The following DNAAF11 variants were observed in gnomAD, a reference collection of about 807,000 sequenced individuals.
DNAAF11 encodes the protein leucine rich repeat containing 6.
DNAAF11 carries 45 observed loss-of-function variants against 60.8 expected under a neutral mutation model. That is an observed-to-expected ratio of 0.74 (90% confidence interval 0.58 to 0.95). The LOEUF (loss-of-function observed/expected upper bound fraction) is 0.95, where lower values mean the gene tolerates loss of function less well. Among genes scored for constraint, DNAAF11 ranks in the 40% least tolerant of loss-of-function variants. The probability of loss-of-function intolerance (pLI) is 0.00; values close to 1 mark genes in which losing one functional copy is unlikely to be tolerated. For missense variants in DNAAF11, 546 were observed against 546.2 expected, an observed-to-expected ratio of 1.00 and a Z score of 0.00; for synonymous variants, 191 against 183.5, an observed-to-expected ratio of 1.04 and a Z score of -0.33.
intron 7 of DNAAF11, among the ~76,000 whole-genome samples, chr8:132,620,514 C>T (rs1026050453): frequency 3.3e-5 from 5 of 151,946 alleles, no homozygotes; most frequent in African/African-American, 1.2e-4. Flanking sequence ...TTTGTATTTT[C>T]AGTAGAGATG....
At chr8:132,575,525 C>T (rs1057064432) in intron 11 of DNAAF11, among the ~76,000 whole-genome samples, 4 of 152,044 alleles carry the variant, frequency 2.6e-5, no homozygotes, top group Non-Finnish European at 5.9e-5. Flanking sequence ...GGAGGACACA[C>T]GTATACTGGG....
At chr8:132,578,603 C>A in intron 11 of DNAAF11, 1 of 718,278 alleles carries the variant, frequency 1.4e-6, no homozygotes, top group Non-Finnish European at 2.3e-6. Flanking sequence ...GTGCAAAACA[C>A]ATCAGAGATT....
At chr8:132,659,605 A>G (rs1563701413) in intron 2 of DNAAF11, among the ~76,000 whole-genome samples, 1 of 152,220 alleles carries the variant, frequency 6.6e-6, no homozygotes, top group Non-Finnish European at 1.5e-5. Flanking sequence ...TAATTGAACA[A>G]TGTGCCAGAG....
chr8:132,622,322 T>G (rs1819842785), intron 7 of DNAAF11, among the ~76,000 whole-genome samples: 1 of 152,186 alleles, frequency 6.6e-6, no homozygotes, highest in African/African-American at 2.4e-5. Context: ...GATGGCAATT[T>G]TCAGGCATAA....
At chr8:132,685,836 G>C in the DNAAF11 span, among the ~76,000 whole-genome samples, 1 of 152,162 alleles carries the variant, frequency 6.6e-6, no homozygotes, top group Non-Finnish European at 1.5e-5. Context: ...TGTGTTTCAA[G>C]AACATGGTGT....
upstream of DNAAF11, among the ~76,000 whole-genome samples, chr8:132,678,675 G>T (rs368725342): frequency 1.3e-5 from 2 of 151,924 alleles, no homozygotes; most frequent in Non-Finnish European, 2.9e-5. Flanking sequence ...GTGAGCTACC[G>T]TGACTGGTGC....
At chr8:132,601,218 A>G (rs571000485) in intron 10 of DNAAF11, among the ~76,000 whole-genome samples, 226 of 152,348 alleles carry the variant, frequency 1.5e-3, no homozygotes, top group African/African-American at 5.2e-3. Context: ...CAAAACCACA[A>G]TGAGATCCCA....
At chr8:132,693,933 T>C in the DNAAF11 span, among the ~76,000 whole-genome samples, 1 of 152,178 alleles carries the variant, frequency 6.6e-6, no homozygotes, top group South Asian at 2.1e-4. Flanking sequence ...ACTTTGGCTT[T>C]TCCTTGAGGG....
chr8:132,674,319 G>T (rs1825556915), intron 1 of DNAAF11, among the ~76,000 whole-genome samples: 1 of 152,084 alleles, frequency 6.6e-6, no homozygotes, highest in Non-Finnish European at 1.5e-5. Flanking sequence ...ATTTAGGAAA[G>T]GAGTTTCAAC....
chr8:132,576,444 A>C (rs907162006), intron 11 of DNAAF11, among the ~76,000 whole-genome samples: 8 of 152,214 alleles, frequency 5.3e-5, no homozygotes, highest in Non-Finnish European at 1.0e-4. Flanking sequence ...ATGTTATATA[A>C]TCATTATTGT....
chr8:132,669,203 C>A (rs528819701), intron 1 of DNAAF11, among the ~76,000 whole-genome samples: 1 of 152,304 alleles, frequency 6.6e-6, no homozygotes, highest in Admixed American at 6.5e-5. Context: ...TAATTCCCAC[C>A]TAGATATCGG....
At chr8:132,687,702 C>G in the DNAAF11 span, 15 of 456,130 alleles carry the variant, frequency 3.3e-5, no homozygotes, top group East Asian at 9.7e-4. Context: ...AAGTGACTTG[C>G]CCAAGGTAAG....
chr8:132,579,133 G>A (rs1815060647), intron 11 of DNAAF11, among the ~76,000 whole-genome samples: 1 of 152,166 alleles, frequency 6.6e-6, no homozygotes, highest in Admixed American at 6.5e-5. Context: ...TTCCAAATTG[G>A]CAGTGTTTTT....
At position 132,639,557 on chromosome 8, in the gene DNAAF11, A is replaced by G. The variant is rs1340965388; in HGVS notation, c.257-1450T>C. Reference sequence around the variant, plus strand: ...TGGTTCATAGCTATGCAACTGTATCACCTTTGGTGAGGTTTCCTCAATTCT... The same window carrying G: ...TGGTTCATAGCTATGCAACTGTATCGCCTTTGGTGAGGTTTCCTCAATTCT... On this transcript the variant is annotated intron_variant, in intron 3 of 11. Transcript: ENST00000620350. 2.0e-5 allele frequency among the ~76,000 whole-genome samples: 3 copies of G among 152,282 alleles called. No individual in the cohort carries two copies. In the East Asian group the frequency reaches 5.8e-4, roughly 29 times the overall value.
chr8:132,615,917 G>C (rs966695942), intron 7 of DNAAF11, among the ~76,000 whole-genome samples: 1 of 152,154 alleles, frequency 6.6e-6, no homozygotes, highest in Non-Finnish European at 1.5e-5. Context: ...GTTAGCGATA[G>C]ATTTGGCTGT....
chr8:132,619,262 C>A, intron 7 of DNAAF11, among the ~76,000 whole-genome samples: 1 of 137,812 alleles, frequency 7.3e-6, no homozygotes, highest in African/African-American at 2.8e-5. Context: ...AACACATGGA[C>A]AGAGGAAGGG....
chr8:132,625,303 C>A lies in DNAAF11; in HGVS notation c.805G>T (p.Glu269Ter). ...ESRLETLRHM[E>*]KQRKKQEKLS... ...TTTTCCTGTTTCTTCCGTTGTTTTT[C>A]CATGTGTCTAAGAGTTTCCAATCTT... The change falls in exon 6 of 12, where the codon GAA (glutamate) becomes TAA (stop). Residue 269 changes from glutamate (E) to a stop codon, truncating the protein, a stop_gained. Transcript: ENST00000620350. LOFTEE classifies it high-confidence loss of function. 1 of 1,605,952 alleles carries A rather than the reference C, an allele frequency of 6.2e-7. No homozygotes were observed. The highest frequency in any genetic ancestry group is 8.5e-7 in the Non-Finnish European group (1 of 1,177,036).
At chr8:132,644,688 C>T (rs1822193594) in intron 3 of DNAAF11, among the ~76,000 whole-genome samples, 1 of 152,186 alleles carries the variant, frequency 6.6e-6, no homozygotes. Context: ...AGATTATATC[C>T]CATGCATGAC....
In DNAAF11 at chr8:132,575,782, T is replaced by C. The variant is rs531367474; in HGVS notation, c.1227-3302A>G. Among the ~76,000 whole-genome samples, 68 of 152,302 alleles carry C rather than the reference T, an allele frequency of 4.5e-4. 1 individual carries two copies. Among genetic ancestry groups the C allele is most frequent in the South Asian group, 2.9e-3 (14 of 4,822 alleles). ...ACATTTGTTCTGCTTACTCTTAACC[T>C]GTTACCTTCAGAGAGTGAGGTACCC... On this transcript the variant is annotated intron_variant, in intron 11 of 11. Coordinates refer to ENST00000620350, the MANE Select transcript of DNAAF11 (RefSeq NM_012472.6).
Sources: allele counts gnomAD v4.1 joint callset (sites outside exome capture counted in the v4.1 genomes callset), GRCh38; gene constraint gnomAD v4.1.1; transcripts MANE v1.5; gene names NCBI Gene and HGNC (gene_info 2026-07-23, HGNC 2026-07-21).